The following PPARGC1A variants were observed in gnomAD, a reference collection of about 807,000 sequenced individuals.
The protein encoded by PPARGC1A is PPARG coactivator 1 alpha.
In PPARGC1A, 25 loss-of-function variants were observed where a neutral mutation model predicts 88.7. The ratio of observed to expected loss-of-function variants is 0.28; its 90% CI spans 0.21 to 0.39. PPARGC1A has a LOEUF of 0.39. Among genes scored for constraint, PPARGC1A ranks in the 10% least tolerant of loss-of-function variants. The probability of loss-of-function intolerance (pLI) is 1.00; values close to 1 mark genes in which losing one functional copy is unlikely to be tolerated. For missense variants in PPARGC1A, 880 were observed against 968.7 expected (o/e 0.91, Z 1.22); for synonymous variants, 363 against 355.6 (o/e 1.02, Z -0.24).
the PPARGC1A span, among the ~76,000 whole-genome samples, chr4:24,460,384 ATCAT>A: frequency 3.9e-5 from 6 of 152,226 alleles, no homozygotes; most frequent in African/African-American, 1.4e-4. Context: ...TCCCCAAAAC[ATCAT>A]CATACTTGAT....
intron 2 of PPARGC1A, among the ~76,000 whole-genome samples, chr4:23,833,419 A>G (rs1373012558): frequency 6.6e-6 from 1 of 152,212 alleles, no homozygotes; most frequent in Non-Finnish European, 1.5e-5. Flanking sequence ...TCTTCTTTTG[A>G]AAGTTCTGTA....
chr4:23,908,944 G>A (rs1330394649), upstream of PPARGC1A, among the ~76,000 whole-genome samples: 5 of 152,178 alleles, frequency 3.3e-5, no homozygotes, highest in Admixed American at 2.6e-4. Context: ...CAACATCCCA[G>A]GTGCTTAACT....
the PPARGC1A span, among the ~76,000 whole-genome samples, chr4:23,982,338 T>C: frequency 6.6e-6 from 1 of 152,218 alleles, no homozygotes; most frequent in South Asian, 2.1e-4. Context: ...TTCTAACTCA[T>C]GGTCTAGAGA....
the PPARGC1A span, among the ~76,000 whole-genome samples, chr4:24,305,948 A>G: frequency 6.6e-6 from 1 of 152,342 alleles, no homozygotes; most frequent in East Asian, 1.9e-4. Context: ...CAACATCTGA[A>G]GATGGGCTGA....
the PPARGC1A span, among the ~76,000 whole-genome samples, chr4:23,970,466 C>G: frequency 1.3e-5 from 2 of 152,164 alleles, no homozygotes; most frequent in African/African-American, 4.8e-5. Context: ...CCTGGCCCCT[C>G]CAGTTTTTCA....
the PPARGC1A span, among the ~76,000 whole-genome samples, chr4:24,044,941 G>T: frequency 6.6e-6 from 1 of 152,192 alleles, no homozygotes; most frequent in Admixed American, 6.5e-5. Flanking sequence ...AGAAAGAAAG[G>T]TGAGCCTTTC....
the PPARGC1A span, among the ~76,000 whole-genome samples, chr4:24,186,864 A>T: frequency 6.6e-6 from 1 of 152,176 alleles, no homozygotes; most frequent in African/African-American, 2.4e-5. Flanking sequence ...ATTTAAAAAA[A>T]CTGTATACCT....
the PPARGC1A span, among the ~76,000 whole-genome samples, chr4:24,417,800 T>A: frequency 8.5e-5 from 13 of 152,068 alleles, no homozygotes; most frequent in South Asian, 2.1e-4. Flanking sequence ...ATAGAAAAAA[T>A]TTATAGATGA....
At chr4:23,963,042 A>G in the PPARGC1A span, among the ~76,000 whole-genome samples, 6 of 152,164 alleles carry the variant, frequency 3.9e-5, no homozygotes, top group Non-Finnish European at 8.8e-5. Context: ...TTGAATGGCA[A>G]TTGCCATTTC....
intron 7 of PPARGC1A, among the ~76,000 whole-genome samples, chr4:23,817,639 T>C (rs1044044331): frequency 6.6e-5 from 10 of 152,132 alleles, no homozygotes; most frequent in Non-Finnish European, 1.0e-4. Context: ...AACAAATAGG[T>C]AATATTTGCT....
At chr4:23,842,644 A>C (rs2148614795) in intron 2 of PPARGC1A, among the ~76,000 whole-genome samples, 1 of 152,194 alleles carries the variant, frequency 6.6e-6, no homozygotes, top group African/African-American at 2.4e-5. Flanking sequence ...TCTACTCACT[A>C]GATGCCAGTA....
At chr4:24,198,076 C>G in the PPARGC1A span, among the ~76,000 whole-genome samples, 1 of 152,160 alleles carries the variant, frequency 6.6e-6, no homozygotes, top group Non-Finnish European at 1.5e-5. Flanking sequence ...CAGTCTTACA[C>G]AGACATACCA....
chr4:23,917,430 TCTC>T, the PPARGC1A span, among the ~76,000 whole-genome samples: 3 of 151,410 alleles, frequency 2.0e-5, no homozygotes, highest in African/African-American at 7.3e-5. Flanking sequence ...GCTGTGCCAT[TCTC>T]CTGCCTCAGC....
the PPARGC1A span, among the ~76,000 whole-genome samples, chr4:24,176,125 C>T: frequency 6.6e-6 from 1 of 152,188 alleles, no homozygotes; most frequent in East Asian, 1.9e-4. Context: ...ATGGTTAAAT[C>T]TCCAGGACCT....
At chr4:23,947,360 T>C in the PPARGC1A span, among the ~76,000 whole-genome samples, 1 of 12,118 alleles carries the variant, frequency 8.3e-5, no homozygotes, top group Non-Finnish European at 2.3e-4. Context: ...GTGATATATA[T>C]ATATATATAT....
chr4:24,314,156 T>C, the PPARGC1A span, among the ~76,000 whole-genome samples: 1 of 152,240 alleles, frequency 6.6e-6, no homozygotes. Context: ...ATGTGTAATA[T>C]GGGATGGCTC....
chr4:24,024,017 T>A, the PPARGC1A span, among the ~76,000 whole-genome samples: 2 of 152,170 alleles, frequency 1.3e-5, no homozygotes, highest in South Asian at 4.1e-4. Flanking sequence ...AACATGGGCA[T>A]GATTCGCTAG....
At chr4:24,060,435 CCTT>C in the PPARGC1A span, among the ~76,000 whole-genome samples, 1 of 152,134 alleles carries the variant, frequency 6.6e-6, no homozygotes, top group African/African-American at 2.4e-5. Context: ...AGTAACTCTA[CCTT>C]ATTATGTTCT....
At chr4:23,847,031 T>A (rs1728445285) in intron 2 of PPARGC1A, among the ~76,000 whole-genome samples, 1 of 152,102 alleles carries the variant, frequency 6.6e-6, no homozygotes, top group African/African-American at 2.4e-5. Context: ...CATATGCATT[T>A]AAAAAAATAT....
Sources: allele counts gnomAD v4.1 joint callset (sites outside exome capture counted in the v4.1 genomes callset), GRCh38; gene constraint gnomAD v4.1.1; transcripts MANE v1.5; gene names NCBI Gene and HGNC (gene_info 2026-07-23, HGNC 2026-07-21).